The following POU6F2 variants were observed in gnomAD, a reference collection of about 807,000 sequenced individuals.
POU6F2 encodes POU class 6 homeobox 2, also known as POU domain, class 6, transcription factor 2.
Under a neutral mutation model 71.3 loss-of-function variants are expected in POU6F2, and 31 were observed. That is an observed-to-expected ratio of 0.43 (90% CI 0.33 to 0.59). The LOEUF is 0.59. POU6F2 is among the 20% of genes least tolerant of loss of function. POU6F2 has a pLI of 0.04. For synonymous variants in POU6F2, 347 were observed against 355.7 expected (o/e 0.98, Z 0.27); for missense variants, 783 against 856.8 (o/e 0.91, Z 1.07).
At chr7:39,334,980 C>T (rs547491030) in intron 4 of POU6F2, among the ~76,000 whole-genome samples, 6 of 152,246 alleles carry the variant, frequency 3.9e-5, no homozygotes, top group Admixed American at 2.0e-4. Flanking sequence ...GATGCCACCC[C>T]GGAGATACTC....
intron 1 of POU6F2, among the ~76,000 whole-genome samples, chr7:39,072,343 A>G (rs180889084): frequency 6.6e-6 from 1 of 152,242 alleles, no homozygotes; most frequent in Admixed American, 6.5e-5. Context: ...AATTTGGGTA[A>G]TTCAGTCAGC....
chr7:39,174,054 GC>G (rs1366984629), intron 2 of POU6F2, among the ~76,000 whole-genome samples: 1 of 152,240 alleles, frequency 6.6e-6, no homozygotes, highest in East Asian at 1.9e-4. Flanking sequence ...AGGTGTATGT[GC>G]CTCAGTGGTT....
At chr7:39,064,155 A>G (rs1014285941) in intron 1 of POU6F2, among the ~76,000 whole-genome samples, 1 of 152,118 alleles carries the variant, frequency 6.6e-6, no homozygotes, top group Non-Finnish European at 1.5e-5. Flanking sequence ...ATACAAATAC[A>G]AAATAATATT....
At chr7:39,463,784 C>A (rs1017593696) in intron 9 of POU6F2, among the ~76,000 whole-genome samples, 7 of 152,226 alleles carry the variant, frequency 4.6e-5, no homozygotes, top group African/African-American at 1.7e-4. Context: ...AATGTGACAA[C>A]TGTCATCTTT....
chr7:39,294,701 G>C (rs1423992805), intron 4 of POU6F2, among the ~76,000 whole-genome samples: 1 of 152,122 alleles, frequency 6.6e-6, no homozygotes, highest in Non-Finnish European at 1.5e-5. Context: ...GGATGGGCCA[G>C]TCTTGGTTAA....
chr7:39,217,839 G>A (rs953326344), intron 4 of POU6F2, among the ~76,000 whole-genome samples: 5 of 152,056 alleles, frequency 3.3e-5, no homozygotes, highest in Non-Finnish European at 5.9e-5. Flanking sequence ...TCCTTGAAGC[G>A]GGTGTCACTG....
At chr7:39,051,579 G>A (rs944069252) in intron 1 of POU6F2, among the ~76,000 whole-genome samples, 4 of 152,094 alleles carry the variant, frequency 2.6e-5, no homozygotes, top group African/African-American at 4.8e-5. Flanking sequence ...AAAGCTCTAG[G>A]TGTAGGAATT....
intron 4 of POU6F2, among the ~76,000 whole-genome samples, chr7:39,234,237 G>GGACTCT (rs1463571773): frequency 1.3e-5 from 2 of 152,086 alleles, no homozygotes; most frequent in African/African-American, 2.4e-5. Flanking sequence ...GGGAAAAAAA[G>GGACTCT]GACTCTGAAT....
At chr7:39,332,339 C>T (rs1276887360) in intron 4 of POU6F2, among the ~76,000 whole-genome samples, 1 of 152,208 alleles carries the variant, frequency 6.6e-6, no homozygotes, top group Non-Finnish European at 1.5e-5. Context: ...ACAGCTGTCA[C>T]AGTGGGGCTC....
At chr7:39,376,035 G>A (rs1478927611) in intron 5 of POU6F2, among the ~76,000 whole-genome samples, 1 of 152,108 alleles carries the variant, frequency 6.6e-6, no homozygotes, top group Non-Finnish European at 1.5e-5. Context: ...TCTATAAAAT[G>A]GGGCTATAAT....
At chr7:39,317,426 A>G (rs4720318) in intron 4 of POU6F2, among the ~76,000 whole-genome samples, 104,032 of 152,132 alleles carry the variant, frequency 0.68, 35,596 homozygotes, top group Admixed American at 0.77. Context: ...GTAGGCTCTC[A>G]ATAAATACAT....
chr7:39,146,893 C>A (rs184182187), intron 2 of POU6F2, among the ~76,000 whole-genome samples: 1 of 151,972 alleles, frequency 6.6e-6, no homozygotes, highest in Non-Finnish European at 1.5e-5. Context: ...TAGTTCATAC[C>A]ATTTAAGTAA....
chr7:39,057,964 C>T (rs185379850), intron 1 of POU6F2, among the ~76,000 whole-genome samples: 1 of 152,282 alleles, frequency 6.6e-6, no homozygotes, highest in African/African-American at 2.4e-5. Context: ...TTTCTGTCCA[C>T]CAGGCTCCTG....
At position 39,460,828 on chromosome 7, in the gene POU6F2, A is replaced by G. The variant is rs1036329053; in HGVS notation, c.1658+113A>G. On this transcript the variant is annotated intron_variant, in intron 9 of 9. Coordinates refer to ENST00000518318, the MANE Select transcript of POU6F2 (RefSeq NM_001370959.1). The surrounding 1 kb of genome is among the most constrained non-coding windows in gnomAD (Gnocchi z 4.4). Reference sequence around the variant, plus strand: ...AAAGCTGGAGGGGCAGAGAGTGGGAACAAAGTTTGGGGGCAGCTATATGTT... The same window carrying G: ...AAAGCTGGAGGGGCAGAGAGTGGGAGCAAAGTTTGGGGGCAGCTATATGTT... 7.8e-6 allele frequency: 10 copies of G among 1,283,984 alleles called. No homozygotes were observed. The Admixed American group carries it at 8.7e-5, about 11-fold the overall frequency. 79.5% of individuals were successfully genotyped at this position (1,283,984 alleles called of 1,614,324 possible). A position where few individuals can be genotyped will look rare whatever the true frequency, so the allele number is the denominator to read the frequency against.
intron 6 of POU6F2, among the ~76,000 whole-genome samples, chr7:39,423,988 A>G (rs115377308): frequency 1.1e-3 from 164 of 152,328 alleles, no homozygotes; most frequent in African/African-American, 3.8e-3. Context: ...CAACAGAAAT[A>G]TATTTTTCAT....
rs11310175 is a variant in POU6F2 at position 39,312,189 on chromosome 7, GAA to G, written c.599-27444_599-27443del. ...AGAATGGACGATGTAGTAGAAAAAAGAAAAAAAAAACACCTGGAAATGAAGAA... is the reference window on the plus strand; with the variant it reads ...AGAATGGACGATGTAGTAGAAAAAAGAAAAAAAACACCTGGAAATGAAGAA... On this transcript the variant is annotated intron_variant, in intron 4 of 9. Transcript: ENST00000518318. Among the ~76,000 whole-genome samples, 250 of 150,690 alleles carry G rather than the reference GAA, an allele frequency of 1.7e-3. 1 individual carries two copies. The highest frequency in any genetic ancestry group is 9.4e-3 in the East Asian group (48 of 5,130).
In POU6F2 at chr7:39,302,916, C is replaced by A. The variant is rs1784977079; in HGVS notation, c.599-36726C>A. On this transcript the variant is annotated intron_variant, in intron 4 of 9. Transcript: ENST00000518318. ...GTCAAATTTGAATGTGCATCAGAAT[C>A]ACTTGGAGGACTTTTTAAAACACAG... Among the ~76,000 whole-genome samples the A allele has an allele frequency of 2.6e-5, 4 of 152,214 alleles. 1 individual carries two copies. Among genetic ancestry groups the A allele is most frequent in the South Asian group, 4.1e-4 (2 of 4,832 alleles).
At chr7:39,462,506 G>C (rs1459403364) in intron 9 of POU6F2, among the ~76,000 whole-genome samples, 5 of 152,146 alleles carry the variant, frequency 3.3e-5, no homozygotes, top group Non-Finnish European at 7.4e-5. Flanking sequence ...AGAGAAAAAA[G>C]CATTACCAAT....
chr7:39,386,897 T>A (rs1250878165), intron 5 of POU6F2, among the ~76,000 whole-genome samples: 1 of 152,182 alleles, frequency 6.6e-6, no homozygotes, highest in Non-Finnish European at 1.5e-5. Flanking sequence ...TAATAGTCAA[T>A]GTCGTGCTCC....
Sources: allele counts gnomAD v4.1 joint callset (sites outside exome capture counted in the v4.1 genomes callset), GRCh38; gene constraint gnomAD v4.1.1; non-coding constraint Gnocchi (gnomAD v3.1); transcripts MANE v1.5; gene names NCBI Gene and HGNC (gene_info 2026-07-23, HGNC 2026-07-21).